The following ACOXL variants were observed in gnomAD, a reference collection of about 807,000 sequenced individuals.
ACOXL encodes the protein acyl-coenzyme A oxidase-like protein.
A neutral mutation model predicts 71.9 loss-of-function variants in ACOXL; 70 were observed. That is an observed-to-expected ratio of 0.97 (90% CI 0.80 to 1.19). The LOEUF (loss-of-function observed/expected upper bound fraction) is 1.19, where lower values mean the gene tolerates loss of function less well. Ranked by LOEUF, ACOXL falls within the 50% of genes most tolerant of loss-of-function variation. ACOXL has a pLI of 0.00. For missense variants in ACOXL, 703 were observed against 736.3 expected (o/e 0.95, Z 0.52); for synonymous variants, 253 against 281.6 (o/e 0.90, Z 1.02).
intron 10 of ACOXL, among the ~76,000 whole-genome samples, chr2:110,851,029 A>G (rs1373723910): frequency 1.3e-5 from 2 of 152,196 alleles, no homozygotes; most frequent in African/African-American, 4.8e-5. Flanking sequence ...AAGTGCCCTT[A>G]CTGTGTGATT....
chr2:111,062,281 T>G (rs1209846691), intron 16 of ACOXL, among the ~76,000 whole-genome samples: 1 of 151,386 alleles, frequency 6.6e-6, no homozygotes, highest in African/African-American at 2.4e-5. Flanking sequence ...AGGGCACTGC[T>G]AAAGGTATGC....
intron 17 of ACOXL, among the ~76,000 whole-genome samples, chr2:111,094,785 C>G (rs970930687): frequency 6.6e-6 from 1 of 152,198 alleles, no homozygotes; most frequent in African/African-American, 2.4e-5. Context: ...AGTGCTTCTG[C>G]TCAATGTGGT....
At chr2:110,931,461 C>A (rs965634989) in intron 11 of ACOXL, among the ~76,000 whole-genome samples, 2 of 152,132 alleles carry the variant, frequency 1.3e-5, no homozygotes, top group Non-Finnish European at 1.5e-5. Flanking sequence ...AGTCACAGCC[C>A]GGAGCATGGG....
At chr2:111,002,339 CAAACAAAAAACTG>C (rs1394747287) in intron 14 of ACOXL, among the ~76,000 whole-genome samples, 1 of 152,032 alleles carries the variant, frequency 6.6e-6, no homozygotes, top group Non-Finnish European at 1.5e-5. Flanking sequence ...CAAAAACAAA[CAAACAAAAAACTG>C]TTCAAAAGTT....
chr2:110,941,215 G>A (rs73956481), intron 12 of ACOXL, among the ~76,000 whole-genome samples: 313 of 152,270 alleles, frequency 2.1e-3, no homozygotes, highest in African/African-American at 7.2e-3. Context: ...CATGTTCCCG[G>A]GAAGCCAGGT....
chr2:110,836,473 C>T (rs770950158), intron 9 of ACOXL, among the ~76,000 whole-genome samples: 1 of 151,682 alleles, frequency 6.6e-6, no homozygotes, highest in South Asian at 2.1e-4. Context: ...CTGCCTGGCC[C>T]TGTTTGGTAT....
At chr2:110,800,311 G>A (rs1322914630) in intron 7 of ACOXL, among the ~76,000 whole-genome samples, 2 of 152,192 alleles carry the variant, frequency 1.3e-5, no homozygotes, top group Non-Finnish European at 1.5e-5. Context: ...TCTTTGGCCT[G>A]TAAATGGTTG....
At chr2:111,097,866 A>G (rs1252045557) in intron 17 of ACOXL, among the ~76,000 whole-genome samples, 2 of 152,250 alleles carry the variant, frequency 1.3e-5, no homozygotes, top group South Asian at 4.1e-4. Flanking sequence ...AAGAATCCCA[A>G]ATAATATTTG....
intron 10 of ACOXL, among the ~76,000 whole-genome samples, chr2:110,900,072 AACACACACACACATACAC>A (rs1231020861): frequency 1.6e-5 from 2 of 123,208 alleles, no homozygotes; most frequent in African/African-American, 3.2e-5. Flanking sequence ...AAAGCTTTTC[AACACACACACACATACAC>A]ACACACACAC....
chr2:111,010,984 C>T (rs1009199679), intron 14 of ACOXL, among the ~76,000 whole-genome samples: 6 of 152,108 alleles, frequency 3.9e-5, no homozygotes, highest in Non-Finnish European at 8.8e-5. Flanking sequence ...AAATGCAGAT[C>T]TAAAGTAAGG....
chr2:110,898,085 A>G (rs1476492291), intron 10 of ACOXL, among the ~76,000 whole-genome samples: 1 of 152,200 alleles, frequency 6.6e-6, no homozygotes, highest in Non-Finnish European at 1.5e-5. Flanking sequence ...TGCTAAGGAA[A>G]TTGAACTCAT....
intron 10 of ACOXL, 135 bp from the exon 11 acceptor site, chr2:110,908,654 A>G: frequency 1.4e-6 from 1 of 701,528 alleles, no homozygotes; most frequent in Middle Eastern, 3.1e-4. Flanking sequence ...CCCTAACCAC[A>G]TTTTAGGAAA....
At chr2:110,963,535 C>A in intron 12 of ACOXL, 2 of 1,500,626 alleles carry the variant, frequency 1.3e-6, no homozygotes, top group Non-Finnish European at 1.8e-6. Flanking sequence ...AAATGTGAGT[C>A]CTATGTAGTG....
At chr2:110,742,513 T>A (rs564796574) in intron 1 of ACOXL, among the ~76,000 whole-genome samples, 1 of 152,336 alleles carries the variant, frequency 6.6e-6, no homozygotes, top group African/African-American at 2.4e-5. Flanking sequence ...CCCTGACACC[T>A]TGGATCCTGA....
At chr2:110,877,648 A>G (rs1696095839) in intron 10 of ACOXL, among the ~76,000 whole-genome samples, 1 of 152,182 alleles carries the variant, frequency 6.6e-6, no homozygotes, top group Non-Finnish European at 1.5e-5. Flanking sequence ...CGGAGAGTCC[A>G]TGTCACCATG....
intron 3 of ACOXL, among the ~76,000 whole-genome samples, chr2:110,793,109 G>A (rs892176486): frequency 7.2e-5 from 11 of 152,194 alleles, no homozygotes; most frequent in African/African-American, 2.7e-4. Context: ...GGAAGCTGAG[G>A]CTACAATGTC....
chr2:110,815,902 C>G (rs977284306), intron 9 of ACOXL, among the ~76,000 whole-genome samples: 2 of 152,210 alleles, frequency 1.3e-5, no homozygotes, highest in African/African-American at 4.8e-5. Context: ...AGGACAGAAC[C>G]TGTGTCTTCT....
In ACOXL at chr2:110,963,575, G is replaced by A. The variant is rs754258889; in HGVS notation, c.1060-23533G>A. The A allele has an allele frequency of 2.4e-4, 242 of 1,029,252 alleles. 3 individuals are homozygous for A. The African/African-American group carries it at 4.4e-3, about 19-fold the overall frequency. The allele number at this position is 1,029,252 out of a possible 1,614,324, so 63.8% of individuals were successfully genotyped here. ...GATCGCAAATTTGAAATGTGTGTGT[G>A]TGTGTGTGTGTGTGTGTGTGTGTGT... On this transcript the variant is annotated intron_variant, in intron 12 of 17. Coordinates refer to ENST00000439055, the MANE Select transcript of ACOXL (RefSeq NM_001142807.4).
intron 16 of ACOXL, among the ~76,000 whole-genome samples, chr2:111,066,900 A>G (rs1196570207): frequency 5.9e-5 from 9 of 152,184 alleles, no homozygotes; most frequent in Non-Finnish European, 1.0e-4. Flanking sequence ...AGACACAACT[A>G]TAGGAAAATC....
Sources: gnomAD v4.1 joint callset for allele counts (sites outside exome capture counted in the v4.1 genomes callset) on GRCh38, gnomAD v4.1.1 for gene constraint, MANE v1.5 for transcripts, NCBI Gene and HGNC (gene_info 2026-07-23, HGNC 2026-07-21) for gene names.